The following GFAP variants were observed in gnomAD, a reference collection of about 807,000 sequenced individuals.
GFAP encodes glial fibrillary acidic protein, also known as intermediate filament protein.
In GFAP, 38 loss-of-function variants were observed where a neutral mutation model predicts 49.3. That is an observed-to-expected ratio of 0.77 (90% CI 0.60 to 1.01). The LOEUF is 1.01. Ranked by LOEUF, GFAP falls within the 50% of genes least tolerant of loss-of-function variation. The pLI is 0.00. For synonymous variants in GFAP, 222 were observed against 236.4 expected (o/e 0.94, Z 0.56); for missense variants, 463 against 579.1 (o/e 0.80, Z 2.06).
chr17:44,903,809 T>C lies in GFAP; in HGVS notation c.*3538A>G. 1 of 1,542,204 alleles carries C rather than the reference T, an allele frequency of 6.5e-7. No homozygotes were observed. The highest frequency in any genetic ancestry group is 8.8e-7 in the Non-Finnish European group (1 of 1,142,238). ...ATGCCCTGGTTTTGCCCTGCCCCTC[T>C]GACCCCTGCCTCCTTCAGGTATGCA... is the stretch of plus-strand genomic sequence containing the variant. On this transcript the variant is annotated 3_prime_UTR_variant, in exon 9 of 9. Coordinates refer to ENST00000588735, the MANE Select transcript of GFAP (RefSeq NM_002055.5).
Position 44,910,629 on chromosome 17 carries a change from T to C in GFAP, c.1157A>G (p.Asn386Ser), listed in dbSNP as rs61726471. 6.3e-7 allele frequency: 1 copy of C among 1,583,416 alleles called. No individual in the cohort carries two copies. The highest frequency in any genetic ancestry group is 8.6e-7 in the Non-Finnish European group (1 of 1,164,830). ...RITIPVQTFS[N>S]LQIRETSLDT... ...GCTGTACTGACCTCGAATCTGCAGG[T>C]TGGAGAAGGTCTGCACGGGAATGGT... The change falls in exon 7 of 9, where the codon AAC becomes AGC. Residue 386 changes from asparagine to serine, a missense_variant. By Grantham distance (46) the Asn-to-Ser change is conservative. This residue lies in a region of GFAP where 362 missense variants were observed against 445.5 expected (regional missense o/e 0.81). Transcript: ENST00000588735.
intron 7 of GFAP, 141 bp downstream of exon 7, chr17:44,910,474 A>G: frequency 6.4e-7 from 1 of 1,556,292 alleles, no homozygotes; most frequent in Non-Finnish European, 8.7e-7. Flanking sequence ...TCTGGCTAGG[A>G]GCGCTGCAGT....
In GFAP at chr17:44,907,340, T is replaced by G. The variant is rs777812616; in HGVS notation, c.*7A>C. The G allele has an allele frequency of 1.4e-5, 23 of 1,613,474 alleles. No individual in the cohort carries two copies. The highest frequency in any genetic ancestry group is 1.2e-4 in the South Asian group (11 of 91,078). ...GACGGGGCAGAGGCCACCAGGTGGG[T>G]CCTGCCTCACATCACATCCTTGTGC... On this transcript the variant is annotated 3_prime_UTR_variant, in exon 9 of 9. Transcript: ENST00000588735.
intron 1 of GFAP, chr17:44,914,786 G>C (rs2051867649): frequency 1.7e-6 from 1 of 576,814 alleles, no homozygotes; most frequent in Non-Finnish European, 3.1e-6. Context: ...CCCCAGTAGG[G>C]AGGTGCTGAG....
chr17:44,914,811 C>T (rs2051867975), intron 1 of GFAP: 1 of 594,974 alleles, frequency 1.7e-6, no homozygotes, highest in South Asian at 2.0e-5. Flanking sequence ...CCCTGGACTC[C>T]TGGCAGAAGG....
In GFAP at chr17:44,915,317, GC is replaced by G; in HGVS notation, c.169del (p.Ala57HisfsTer17). ...GGTCTCCTTGAAGCCAGCATTGAGTGCCCCAGCCAGGGAGAAATCCACCCGG... is the reference window on the plus strand; with the variant it reads ...GGTCTCCTTGAAGCCAGCATTGAGTGCCCAGCCAGGGAGAAATCCACCCGG... Reference protein sequence around the residue: ...PTRVDFSLAGALNAGFKETRA... With the variant: ...PTRVDFSLAGXLNAGFKETRA... On this transcript the variant is annotated frameshift_variant, in exon 1 of 9. Coordinates refer to ENST00000588735, the MANE Select transcript of GFAP (RefSeq NM_002055.5). LOFTEE classifies it high-confidence loss of function. The surrounding 1 kb of genome is among the most constrained non-coding windows in gnomAD (Gnocchi z 4.1). 1.9e-6 allele frequency: 3 copies of G among 1,613,596 alleles called. No individual in the cohort carries two copies. The highest frequency in any genetic ancestry group is 2.5e-6 in the Non-Finnish European group (3 of 1,179,632).
Position 44,903,758 on chromosome 17 carries a change from C to G in GFAP, c.*3589G>C. 3.4e-6 allele frequency: 5 copies of G among 1,472,570 alleles called. No individual in the cohort carries two copies. The South Asian group carries it at 7.1e-5, about 21-fold the overall frequency. The allele number at this position is 1,472,570 out of a possible 1,614,324, so 91.2% of individuals were successfully genotyped here. A position where few individuals can be genotyped will look rare whatever the true frequency, so the allele number is the denominator to read the frequency against. On this transcript the variant is annotated 3_prime_UTR_variant, in exon 9 of 9. Transcript: ENST00000588735. ...ATCTAGAGGCTTCCGCTTAGCAGAGCTTTCTAGGAGCCCTATGAGCCTTTA... is the reference window on the plus strand; with the variant it reads ...ATCTAGAGGCTTCCGCTTAGCAGAGGTTTCTAGGAGCCCTATGAGCCTTTA...
Position 44,908,155 on chromosome 17 carries a change from G to A in GFAP, c.1172-6C>T. On this transcript the variant is annotated splice_polypyrimidine_tract_variant and splice_region_variant and intron_variant, in intron 7 of 8. Transcript: ENST00000588735. ...CTTGGTGTCCAGGCTGGTTTCTGCA[G>A]ATGTGGGGAGAGGAGGCCTCTCATG... The A allele has an allele frequency of 6.2e-7, 1 of 1,601,046 alleles. No individual in the cohort carries two copies. The highest frequency in any genetic ancestry group is 8.6e-7 in the Non-Finnish European group (1 of 1,168,534).
intron 4 of GFAP, chr17:44,912,741 G>A (rs2051803967): frequency 1.5e-5 from 3 of 202,076 alleles, no homozygotes; most frequent in African/African-American, 4.6e-5. Flanking sequence ...TGTTCTCTAC[G>A]GGCACTATGT....
Position 44,903,733 on chromosome 17 carries a change from A to C in GFAP, c.*3614T>G. ...TTCCTGGCTGCATAATCCTTTCCTCATCTAGAGGCTTCCGCTTAGCAGAGC... is the reference window on the plus strand; with the variant it reads ...TTCCTGGCTGCATAATCCTTTCCTCCTCTAGAGGCTTCCGCTTAGCAGAGC... On this transcript the variant is annotated 3_prime_UTR_variant, in exon 9 of 9. Coordinates refer to ENST00000588735, the MANE Select transcript of GFAP (RefSeq NM_002055.5). 1 of 1,452,542 alleles carries C rather than the reference A, an allele frequency of 6.9e-7. No homozygotes were observed. Among genetic ancestry groups the C allele is most frequent in the Non-Finnish European group, 9.0e-7 (1 of 1,106,022 alleles). 90.0% of individuals were successfully genotyped at this position (1,452,542 alleles called of 1,614,324 possible).
At chr17:44,913,927 G>A in intron 2 of GFAP, 101 bp downstream of exon 2, 2 of 1,297,778 alleles carry the variant, frequency 1.5e-6, no homozygotes, top group Non-Finnish European at 2.2e-6. Context: ...GCAGTGGGGA[G>A]CAGCACATTG....
chr17:44,910,428 G>A, intron 7 of GFAP, 187 bp downstream of exon 7: 1 of 1,585,604 alleles, frequency 6.3e-7, no homozygotes, highest in Admixed American at 1.8e-5. Flanking sequence ...AGGGGCAGCT[G>A]CAAGCCCCAC....
Position 44,904,190 on chromosome 17 carries a change from G to A in GFAP, c.*3157C>T, listed in dbSNP as rs2145618542. ...TTTCAGGGCTCAGTCTGAGGACTCA[G>A]GCCTGTACTTCTGCGGCACCCGCAA... On this transcript the variant is annotated 3_prime_UTR_variant, in exon 9 of 9. Transcript: ENST00000588735. The A allele has an allele frequency of 6.4e-7, 1 of 1,550,590 alleles. No homozygotes were observed. The highest frequency in any genetic ancestry group is 8.7e-7 in the Non-Finnish European group (1 of 1,146,988).
At chr17:44,910,892 A>G in intron 6 of GFAP, 1 of 625,914 alleles carries the variant, frequency 1.6e-6, no homozygotes, top group East Asian at 2.8e-5. Flanking sequence ...AAGATGGAAA[A>G]GGGAGGGGAA....
intron 1 of GFAP, 57 bp from the exon 2 acceptor site, chr17:44,914,145 T>C: frequency 1.6e-6 from 2 of 1,246,094 alleles, no homozygotes; most frequent in Non-Finnish European, 2.3e-6. Context: ...CTTGAATACC[T>C]GCCTCAGTCT....
rs1036635792 is a variant in GFAP at position 44,904,828 on chromosome 17, C to T, written c.*2519G>A. 1.6e-5 allele frequency: 25 copies of T among 1,550,574 alleles called. No homozygotes were observed. Among genetic ancestry groups the T allele is most frequent in the Non-Finnish European group, 2.2e-5 (25 of 1,147,014 alleles). ...ACCACGGCAACCAGCTCCACATCCGCTTCACCCAGCTGGATGACCGGGGCA... is the reference window on the plus strand; with the variant it reads ...ACCACGGCAACCAGCTCCACATCCGTTTCACCCAGCTGGATGACCGGGGCA... On this transcript the variant is annotated 3_prime_UTR_variant, in exon 9 of 9. Transcript: ENST00000588735.
In GFAP at chr17:44,911,274, G is replaced by A; in HGVS notation, c.1089C>T (p.Ile363=). Residue 363 remains isoleucine, a synonymous_variant, in exon 6 of 9, where the codon ATC becomes ATT. Transcript: ENST00000588735. ...LNVKLALDIE[I]ATYRKLLEGE... is the part of the protein sequence containing the mutation. ...CCTCTAGCAGCTTCCTGTAGGTGGC[G>A]ATCTCGATGTCCAGGGCCAGCTTGA... The A allele has an allele frequency of 6.2e-7, 1 of 1,614,200 alleles. No individual in the cohort carries two copies. Among genetic ancestry groups the A allele is most frequent in the South Asian group, 1.1e-5 (1 of 91,078 alleles).
rs767833008 is a variant in GFAP at position 44,910,423 on chromosome 17, C to A, written c.1171+192G>T. On this transcript the variant is annotated intron_variant, in intron 7 of 8. Coordinates refer to ENST00000588735, the MANE Select transcript of GFAP (RefSeq NM_002055.5). Reference sequence around the variant, plus strand: ...GGACCAGGGCCTAGCAGGACAGGGGCAGCTGCAAGCCCCACCTAGAAGTAC... The same window carrying A: ...GGACCAGGGCCTAGCAGGACAGGGGAAGCTGCAAGCCCCACCTAGAAGTAC... 200 of 1,588,416 alleles carry A rather than the reference C, an allele frequency of 1.3e-4. No individual in the cohort carries two copies. The East Asian group carries it at 1.7e-3, about 13-fold the overall frequency.
rs121909717 is a variant in GFAP at position 44,908,075 on chromosome 17, G to T, written c.1246C>A (p.Arg416=). ...RNIVVKTVEM[R]DGEVIKESKQ... ...AAATCCCTCCTTACCTCTCCATCCC[G>T]CATCTCCACGGTCTTCACCACGATG... The change falls in exon 8 of 9, where the codon CGG becomes AGG. Residue 416 remains arginine, a synonymous_variant. Transcript: ENST00000588735. 8.3e-5 allele frequency: 134 copies of T among 1,605,184 alleles called. No homozygotes were observed. In the African/African-American group the frequency reaches 1.6e-3, roughly 19 times the overall value.
Sources: allele counts gnomAD v4.1 joint callset, GRCh38; gene constraint gnomAD v4.1.1; regional missense constraint gnomAD v4.1.1; non-coding constraint Gnocchi (gnomAD v3.1); transcripts MANE v1.5; gene names NCBI Gene and HGNC (gene_info 2026-07-23, HGNC 2026-07-21).